Variants in LRIG2 observed in about 807,000 individuals in gnomAD.
The protein encoded by LRIG2 is leucine rich repeats and immunoglobulin like domains 2.
LRIG2 carries 93 observed loss-of-function variants against 107.8 expected under a neutral mutation model. That is an observed-to-expected ratio of 0.86 (90% CI 0.73 to 1.03). LRIG2 has a LOEUF of 1.03. LRIG2 is among the 50% of genes least tolerant of loss of function. The probability of loss-of-function intolerance (pLI) is 0.00; values close to 1 mark genes in which losing one functional copy is unlikely to be tolerated. For synonymous variants in LRIG2, 471 were observed against 470.6 expected, an observed-to-expected ratio of 1.00 and a Z score of -0.01; for missense variants, 1,226 against 1,296.0, an observed-to-expected ratio of 0.95 and a Z score of 0.83.
intron 14 of LRIG2, 136 bp downstream of exon 14, chr1:113,112,896 C>A: frequency 1.1e-6 from 1 of 901,634 alleles, no homozygotes; most frequent in Non-Finnish European, 1.6e-6. Flanking sequence ...CAATTTTATG[C>A]AAGGTTATGT....
At chr1:113,112,454 T>C (rs754916090) in intron 13 of LRIG2, 25 bp from the exon 14 acceptor site, 1 of 1,589,226 alleles carries the variant, frequency 6.3e-7, no homozygotes, top group East Asian at 2.3e-5. Context: ...TGCCCACTTT[T>C]TCTTGGTGAT....
At chr1:113,079,233 A>G (rs1653139787) in intron 1 of LRIG2, among the ~76,000 whole-genome samples, 1 of 151,666 alleles carries the variant, frequency 6.6e-6, no homozygotes, top group Non-Finnish European at 1.5e-5. Context: ...CTCTAGTCCC[A>G]GTTACTTGGG....
At chr1:113,093,676 T>A in intron 4 of LRIG2, 112 bp downstream of exon 4, 1 of 546,572 alleles carries the variant, frequency 1.8e-6, no homozygotes, top group South Asian at 1.8e-5. Flanking sequence ...TAATGCTAGA[T>A]GACGAGTTAG....
At chr1:113,109,431 A>T (rs1654677011) in intron 12 of LRIG2, among the ~76,000 whole-genome samples, 1 of 152,254 alleles carries the variant, frequency 6.6e-6, no homozygotes, top group Admixed American at 6.5e-5. Flanking sequence ...GCTTTCAAAT[A>T]ATTTGTTTTA....
intron 16 of LRIG2, among the ~76,000 whole-genome samples, chr1:113,117,147 G>A (rs1003420611): frequency 6.6e-6 from 1 of 152,108 alleles, no homozygotes; most frequent in African/African-American, 2.4e-5. Context: ...TCATAGCCTC[G>A]CTCCCATAGG....
chr1:113,081,251 C>T (rs1399066877), intron 1 of LRIG2, among the ~76,000 whole-genome samples: 1 of 152,000 alleles, frequency 6.6e-6, no homozygotes, highest in Non-Finnish European at 1.5e-5. Context: ...TCATTTTTTC[C>T]CTTATCTTTG....
intron 8 of LRIG2, among the ~76,000 whole-genome samples, chr1:113,097,931 GA>G (rs10707323): frequency 0.36 from 54,651 of 152,062 alleles, 10,217 homozygotes; most frequent in East Asian, 0.65. Context: ...AAAGCTAAGT[GA>G]AAACAGGGAT....
chr1:113,107,031 T>C (rs1654569237), intron 11 of LRIG2, among the ~76,000 whole-genome samples: 1 of 152,058 alleles, frequency 6.6e-6, no homozygotes, highest in Admixed American at 6.6e-5. Flanking sequence ...TTTCCCTCCC[T>C]CCTCCTCTCT....
Position 113,073,204 on chromosome 1 carries a change from G to C in LRIG2, c.-203G>C, listed in dbSNP as rs1417485262. The C allele has an allele frequency of 6.9e-6, 4 of 583,680 alleles. No individual in the cohort carries two copies. The highest frequency in any genetic ancestry group is 1.2e-5 in the Non-Finnish European group (4 of 326,700). The allele number at this position is 583,680 out of a possible 1,614,324, so 36.2% of individuals were successfully genotyped here. A position where few individuals can be genotyped will look rare whatever the true frequency, so the allele number is the denominator to read the frequency against. ...TTGCGCCGTGGGGAGGGGCGGACGAGAGGTGTCCGTCAGGCCGTGTGTCCC... is the reference window on the plus strand; with the variant it reads ...TTGCGCCGTGGGGAGGGGCGGACGACAGGTGTCCGTCAGGCCGTGTGTCCC... On this transcript the variant is annotated 5_prime_UTR_variant, in exon 1 of 18. Transcript: ENST00000361127.
intron 9 of LRIG2, 39 bp downstream of exon 9, chr1:113,098,824 G>A (rs1295353398): frequency 2.4e-6 from 3 of 1,229,792 alleles, no homozygotes; most frequent in Non-Finnish European, 3.6e-6. Context: ...ACATAGGCAT[G>A]TTTTCAAGAA....
Position 113,130,657 on chromosome 1 carries a change from C to CT in LRIG2, c.*6560dup, listed in dbSNP as rs1655675683. 1 of 152,126 alleles carries CT rather than the reference C, an allele frequency of 6.6e-6. No individual in the cohort carries two copies. The highest frequency in any genetic ancestry group is 2.4e-5 in the African/African-American group (1 of 41,428). 9.4% of individuals were successfully genotyped at this position (152,126 alleles called of 1,614,324 possible). A position where few individuals can be genotyped will look rare whatever the true frequency, so the allele number is the denominator to read the frequency against. On this transcript the variant is annotated 3_prime_UTR_variant, in exon 18 of 18. Coordinates refer to ENST00000361127, the MANE Select transcript of LRIG2 (RefSeq NM_014813.3). ...AAGATGACCTTTAAGGTCTTTTTCACTTTTATCATTGGAAATCCCCAGAAG... is the reference window on the plus strand; with the variant it reads ...AAGATGACCTTTAAGGTCTTTTTCACTTTTTATCATTGGAAATCCCCAGAAG...
intron 17 of LRIG2, among the ~76,000 whole-genome samples, chr1:113,123,226 A>C (rs761523279): frequency 2.6e-5 from 4 of 152,248 alleles, no homozygotes; most frequent in Non-Finnish European, 5.9e-5. Context: ...TTTCATTACA[A>C]TATGGATACC....
chr1:113,114,916 G>A (rs17442872), intron 15 of LRIG2, 40 bp downstream of exon 15: 119,860 of 1,469,056 alleles, frequency 0.082, 5,410 homozygotes, highest in Non-Finnish European at 0.093. Flanking sequence ...TTGTACTTCA[G>A]TCAAGAATGT....
At chr1:113,103,163 TTCTTTG>T (rs1654378588) in intron 11 of LRIG2, 1 of 152,168 alleles carries the variant, frequency 6.6e-6, no homozygotes, top group Non-Finnish European at 1.5e-5. Context: ...GTCACAAAGA[TTCTTTG>T]CTTGACCAAC....
At position 113,094,982 on chromosome 1, in the gene LRIG2, A is replaced by ATTTT. The variant is rs386368107; in HGVS notation, c.803+228_803+229insTTTT. Among the ~76,000 whole-genome samples, 333 of 50,512 alleles carry ATTTT rather than the reference A, an allele frequency of 6.6e-3. 1 individual carries two copies. The highest frequency in any genetic ancestry group is 0.014 in the South Asian group (11 of 762). The allele number at this position is 50,512 out of a possible 152,430, so 33.1% of individuals were successfully genotyped here. On this transcript the variant is annotated intron_variant, in intron 6 of 17. Coordinates refer to ENST00000361127, the MANE Select transcript of LRIG2 (RefSeq NM_014813.3). ...ATCTAAAAAGTTTATATATATATAT[A>ATTTT]TATTTTTTTTGAGATGGAGTCTCAC...
rs71087151 is a variant in LRIG2, at chr1:113,090,848, C to CA, written c.240-463dup. 4.5e-3 allele frequency among the ~76,000 whole-genome samples: 657 copies of CA among 147,304 alleles called. 3 individuals carry two copies. The highest frequency in any genetic ancestry group is 9.8e-3 in the Admixed American group (146 of 14,902). ...GCGAGACTCCGTCTCAAAAAGAAAA[C>CA]AAAAAAATTTTTTTTTTTTTTGAGA... On this transcript the variant is annotated intron_variant, in intron 1 of 17. Coordinates refer to ENST00000361127, the MANE Select transcript of LRIG2 (RefSeq NM_014813.3).
Position 113,114,499 on chromosome 1 carries a change from T to C in LRIG2, c.2153T>C (p.Ile718Thr), listed in dbSNP as rs1456945224. The change falls in exon 15 of 18, where the codon ATA (isoleucine) becomes ACA (threonine). Residue 718 changes from isoleucine to threonine, a missense_variant. Around this residue, in one of 3 missense-constraint regions of LRIG2, gnomAD observed 642 missense variants for 712.2 expected, o/e 0.90. Transcript: ENST00000361127. ...TRGETAVLQC[I>T]AGGSPAPRLN... ...GGTGAAACTGCGGTGTTACAGTGCA[T>C]AGCTGGAGGGAGTCCTGCCCCTCGT... 1.2e-6 allele frequency: 2 copies of C among 1,613,924 alleles called. No homozygotes were observed. Among genetic ancestry groups the C allele is most frequent in the Admixed American group, 1.7e-5 (1 of 59,952 alleles).
intron 16 of LRIG2, among the ~76,000 whole-genome samples, chr1:113,118,669 T>A (rs1419348048): frequency 6.9e-6 from 1 of 144,322 alleles, no homozygotes; most frequent in Non-Finnish European, 1.5e-5. Context: ...TATGACTTTG[T>A]TTTTTTTTTT....
Position 113,073,496 on chromosome 1 carries a change from C to G in LRIG2, c.90C>G (p.Thr30=). ...VLSRLLFIAQ[T]ALLLLPAAGA... ...CTCGGTTACTCTTCATTGCCCAGAC[C>G]GCTCTCCTCCTGTTGCCCGCCGCCG... Residue 30 remains threonine, a synonymous_variant, in exon 1 of 18, where the codon ACC becomes ACG. Transcript: ENST00000361127. The G allele has an allele frequency of 3.7e-6, 6 of 1,614,158 alleles. No homozygotes were observed. Among genetic ancestry groups the G allele is most frequent in the Non-Finnish European group, 5.1e-6 (6 of 1,180,016 alleles).
Sources: gnomAD v4.1 joint callset for allele counts (sites outside exome capture counted in the v4.1 genomes callset) on GRCh38, gnomAD v4.1.1 for gene constraint, gnomAD v4.1.1 regional missense constraint, MANE v1.5 for transcripts, NCBI Gene and HGNC (gene_info 2026-07-23, HGNC 2026-07-21) for gene names.